Variants in CACNA1C observed in about 807,000 individuals in gnomAD.
The protein encoded by CACNA1C is calcium voltage-gated channel subunit alpha1 C.
A neutral mutation model predicts 229.0 loss-of-function variants in CACNA1C; 30 were observed. The observed-to-expected ratio is 0.13, with a 90% CI of 0.10 to 0.18. The LOEUF (loss-of-function observed/expected upper bound fraction) is 0.18, where lower values mean the gene tolerates loss of function less well. Ranked by LOEUF, CACNA1C falls within the 10% of genes least tolerant of loss-of-function variation. The pLI, the probability that CACNA1C is intolerant of heterozygous loss-of-function variation, is 1.00. For missense variants in CACNA1C, 1,658 were observed against 2,845.0 expected (o/e 0.58, Z 9.49); for synonymous variants, 1,114 against 1,132.5 (o/e 0.98, Z 0.33).
intron 3 of CACNA1C, among the ~76,000 whole-genome samples, chr12:2,353,068 T>C (rs2097253381): frequency 6.6e-6 from 1 of 152,162 alleles, no homozygotes; most frequent in Non-Finnish European, 1.5e-5. Context: ...TGCAAGGCAG[T>C]GTTCTGGGTG....
At position 2,414,079 on chromosome 12, in the gene CACNA1C, A is replaced by G. The variant is rs1012780391; in HGVS notation, c.478-34897A>G. ...TCAGAGTAAGACTGGCCCAAGTCCT[A>G]TCCCGTCTCCGTTATTTGCTGGCCG... is the stretch of plus-strand genomic sequence containing the variant. On this transcript the variant is annotated intron_variant, in intron 3 of 46. Coordinates refer to ENST00000399655, the MANE Select transcript of CACNA1C (RefSeq NM_000719.7). Among the ~76,000 whole-genome samples, 21 of 149,278 alleles carry G rather than the reference A, an allele frequency of 1.4e-4. 1 individual carries two copies. The highest frequency in any genetic ancestry group is 6.8e-4 in the Admixed American group (10 of 14,752).
At position 2,558,260 on chromosome 12, in the gene CACNA1C, C is replaced by T. The variant is rs2045579103; in HGVS notation, c.1508+1283C>T. The stretch of plus-strand genomic sequence containing the variant: ...GCCACGCGAGCCCTCTGGATGCTTG[C>T]TCATCTCTGCTGCATGGGGCTAGGC... On this transcript the variant is annotated intron_variant, in intron 11 of 46. Transcript: ENST00000399655. Among the ~76,000 whole-genome samples, 2 of 152,244 alleles carry T rather than the reference C, an allele frequency of 1.3e-5. 1 individual carries two copies. The highest frequency in any genetic ancestry group is 4.1e-4 in the South Asian group (2 of 4,832).
At chr12:2,498,653 G>T (rs772533342) in intron 7 of CACNA1C, among the ~76,000 whole-genome samples, 1 of 152,252 alleles carries the variant, frequency 6.6e-6, no homozygotes. Flanking sequence ...ACACAGCTGA[G>T]CCATGGGGGT....
rs571708983 is a variant in CACNA1C, at chr12:2,254,566, G to T, written c.477+134136G>T. ...AACTGGCACAGGGGATGTCAGCTCCGCACCCTCTGCTGTGGATTGTCCAGG... is the reference window on the plus strand; with the variant it reads ...AACTGGCACAGGGGATGTCAGCTCCTCACCCTCTGCTGTGGATTGTCCAGG... On this transcript the variant is annotated intron_variant, in intron 3 of 46. Transcript: ENST00000399655. Among the ~76,000 whole-genome samples the T allele has an allele frequency of 1.2e-4, 18 of 152,268 alleles. 1 individual carries two copies. The East Asian group carries it at 3.3e-3, about 28-fold the overall frequency.
chr12:2,492,131 A>G lies in CACNA1C; in HGVS notation c.917-1059A>G, dbSNP rs568044377. 2.4e-4 allele frequency among the ~76,000 whole-genome samples: 36 copies of G among 152,298 alleles called. 1 individual carries two copies. The South Asian group carries it at 2.5e-3, about 11-fold the overall frequency. On this transcript the variant is annotated intron_variant, in intron 6 of 46. Coordinates refer to ENST00000399655, the MANE Select transcript of CACNA1C (RefSeq NM_000719.7). ...TTTCACAAACTTTTGTGAATTCCAC[A>G]CCGTTACCTTCCATAGCCAGAGCCA...
chr12:2,465,526 A>G (rs1474851528), intron 5 of CACNA1C, among the ~76,000 whole-genome samples: 1 of 152,174 alleles, frequency 6.6e-6, no homozygotes, highest in Non-Finnish European at 1.5e-5. Context: ...GCCAGCACAT[A>G]GGTGTGGGGT....
At chr12:2,220,282 A>C (rs1486592699) in intron 3 of CACNA1C, among the ~76,000 whole-genome samples, 3 of 152,312 alleles carry the variant, frequency 2.0e-5, no homozygotes, top group East Asian at 1.9e-4. Flanking sequence ...ATTATCTGTA[A>C]GAGTGGGAAT....
intron 3 of CACNA1C, among the ~76,000 whole-genome samples, chr12:2,179,805 T>C (rs1025934531): frequency 1.3e-5 from 2 of 152,234 alleles, no homozygotes; most frequent in Non-Finnish European, 2.9e-5. Flanking sequence ...GCTCATTGGA[T>C]GCTAGCCTGC....
chr12:2,111,486 G>A (rs2081713046), intron 1 of CACNA1C, among the ~76,000 whole-genome samples: 1 of 151,778 alleles, frequency 6.6e-6, no homozygotes, highest in Admixed American at 6.6e-5. Flanking sequence ...TTTTGGAACT[G>A]GCAGCCCGTA....
At chr12:2,505,234 C>G (rs2099768987) in intron 8 of CACNA1C, among the ~76,000 whole-genome samples, 1 of 152,008 alleles carries the variant, frequency 6.6e-6, no homozygotes, top group South Asian at 2.1e-4. Flanking sequence ...CTCCTTGTGC[C>G]TTCGTGGCCT....
intron 3 of CACNA1C, among the ~76,000 whole-genome samples, chr12:2,345,595 G>T (rs929276172): frequency 6.6e-6 from 1 of 152,176 alleles, no homozygotes; most frequent in Admixed American, 6.5e-5. Flanking sequence ...CTCTAAAATT[G>T]TAGCTAGAAA....
At chr12:2,266,137 T>C (rs1034271512) in intron 3 of CACNA1C, among the ~76,000 whole-genome samples, 3 of 152,216 alleles carry the variant, frequency 2.0e-5, no homozygotes, top group Non-Finnish European at 2.9e-5. Flanking sequence ...GTGCCCATCA[T>C]TGGGCAAAAA....
In CACNA1C at chr12:2,035,153, G is replaced by A. The variant is rs565542140; in HGVS notation, c.139+63952G>A. ...CCCCTGCGCCGGCGCGTGTGCCCGG[G>A]CCCTCCGCGGGGCGCCGGCGTCTGC... On this transcript the variant is annotated intron_variant, in intron 1 of 46. Transcript: ENST00000682462. 2.2e-4 allele frequency among the ~76,000 whole-genome samples: 33 copies of A among 152,296 alleles called. No individual in the cohort carries two copies. The South Asian group carries it at 2.5e-3, about 11-fold the overall frequency.
chr12:2,336,035 A>C (rs898096282), intron 3 of CACNA1C, among the ~76,000 whole-genome samples: 2 of 151,900 alleles, frequency 1.3e-5, no homozygotes, highest in Non-Finnish European at 2.9e-5. Flanking sequence ...AAAAAAAAAA[A>C]AAAAACAAAC....
At chr12:2,686,121 C>A in intron 44 of CACNA1C, 45 bp from the exon 45 acceptor site, 2 of 1,446,906 alleles carry the variant, frequency 1.4e-6, no homozygotes, top group Non-Finnish European at 1.9e-6. Context: ...CAGGCCAGTG[C>A]CCTGTTTTCC....
intron 3 of CACNA1C, among the ~76,000 whole-genome samples, chr12:2,296,012 A>G (rs930905245): frequency 9.9e-5 from 15 of 152,150 alleles, no homozygotes; most frequent in African/African-American, 3.1e-4. Flanking sequence ...AAGCAGGGAG[A>G]ATGGAAGGGA....
intron 1 of CACNA1C, among the ~76,000 whole-genome samples, chr12:1,975,848 T>G (rs1408961983): frequency 6.6e-6 from 1 of 152,182 alleles, no homozygotes; most frequent in Non-Finnish European, 1.5e-5. Context: ...TATATTCACA[T>G]GAAGGTTCTC....
At position 2,135,970 on chromosome 12, in the gene CACNA1C, G is replaced by C. The variant is rs911453145; in HGVS notation, c.477+15540G>C. Among the ~76,000 whole-genome samples, 4 of 150,080 alleles carry C rather than the reference G, an allele frequency of 2.7e-5. 1 individual carries two copies. The highest frequency in any genetic ancestry group is 4.2e-4 in the South Asian group (2 of 4,718). On this transcript the variant is annotated intron_variant, in intron 3 of 46. Coordinates refer to ENST00000399655, the MANE Select transcript of CACNA1C (RefSeq NM_000719.7). ...TAGCAATCAGCGAGACTCCGTGGGCGTAGGACCCTCCGAGCCAGGTGTGGG... is the reference window on the plus strand; with the variant it reads ...TAGCAATCAGCGAGACTCCGTGGGCCTAGGACCCTCCGAGCCAGGTGTGGG...
At chr12:2,361,402 G>C (rs1390401371) in intron 3 of CACNA1C, among the ~76,000 whole-genome samples, 1 of 152,156 alleles carries the variant, frequency 6.6e-6, no homozygotes, top group Non-Finnish European at 1.5e-5. Flanking sequence ...CGATGATAGA[G>C]ATAAACTAAA....
Sources: allele counts gnomAD v4.1 joint callset (sites outside exome capture counted in the v4.1 genomes callset), GRCh38; gene constraint gnomAD v4.1.1; transcripts MANE v1.5; gene names NCBI Gene and HGNC (gene_info 2026-07-23, HGNC 2026-07-21).